The following MICU2 variants were observed in gnomAD, a reference collection of about 807,000 sequenced individuals.
MICU2 encodes the protein mitochondrial calcium uptake 2.
MICU2 carries 64 observed loss-of-function variants against 60.4 expected under a neutral mutation model. That is an observed-to-expected ratio of 1.06 (90% CI 0.87 to 1.31). The LOEUF (loss-of-function observed/expected upper bound fraction) is 1.31. Ranked by LOEUF, MICU2 falls within the 50% of genes most tolerant of loss-of-function variation. The pLI, the probability that MICU2 is intolerant of heterozygous loss-of-function variation, is 0.00. For missense variants in MICU2, 569 were observed against 531.0 expected (o/e 1.07, Z -0.70); for synonymous variants, 201 against 175.0 (o/e 1.15, Z -1.17).
chr13:21,548,894 G>A (rs1176528697), intron 2 of MICU2, among the ~76,000 whole-genome samples: 1 of 151,836 alleles, frequency 6.6e-6, no homozygotes, highest in Non-Finnish European at 1.5e-5. Context: ...TTCCCAGGGT[G>A]GGGGAGGAGA....
chr13:21,598,129 A>G (rs188083055), intron 1 of MICU2, among the ~76,000 whole-genome samples: 1 of 152,224 alleles, frequency 6.6e-6, no homozygotes, highest in East Asian at 1.9e-4. Flanking sequence ...AGAGAATGCT[A>G]TGCAAAATAA....
rs111606012 is a variant in MICU2 at position 21,521,388 on chromosome 13, G to T, written c.515-61C>A. 34 of 1,360,690 alleles carry T rather than the reference G, an allele frequency of 2.5e-5. 1 individual carries two copies. The African/African-American group carries it at 2.6e-4, about 11-fold the overall frequency. 84.3% of individuals were successfully genotyped at this position (1,360,690 alleles called of 1,614,324 possible). A position where few individuals can be genotyped will look rare whatever the true frequency, so the allele number is the denominator to read the frequency against. The stretch of plus-strand genomic sequence containing the variant: ...ATGAAAACCAAGTTATTTGTAGATA[G>T]ATAGGTCTTCAAATTTGACATACAC... On this transcript the variant is annotated intron_variant, in intron 5 of 11. Coordinates refer to ENST00000382374, the MANE Select transcript of MICU2 (RefSeq NM_152726.3).
intron 4 of MICU2, among the ~76,000 whole-genome samples, chr13:21,527,814 T>C (rs1185296740): frequency 1.3e-5 from 2 of 152,110 alleles, no homozygotes; most frequent in African/African-American, 2.4e-5. Context: ...AGACAACCAA[T>C]ATGTTGTCCT....
intron 1 of MICU2, among the ~76,000 whole-genome samples, chr13:21,572,458 T>C (rs1445988145): frequency 6.6e-6 from 1 of 152,178 alleles, no homozygotes; most frequent in African/African-American, 2.4e-5. Flanking sequence ...ATAAGGTGAG[T>C]GGAGAGAAAG....
intron 1 of MICU2, among the ~76,000 whole-genome samples, chr13:21,594,582 T>C (rs1291265939): frequency 1.3e-5 from 2 of 152,220 alleles, no homozygotes; most frequent in Admixed American, 1.3e-4. Context: ...TGCACACGTA[T>C]GTTTACTGCA....
intron 6 of MICU2, among the ~76,000 whole-genome samples, chr13:21,517,799 A>ACGCGCGCG (rs758514044): frequency 8.8e-5 from 12 of 136,398 alleles, no homozygotes; most frequent in African/African-American, 2.8e-4. Flanking sequence ...ACACACACAC[A>ACGCGCGCG]CGCGCGCGCG....
At chr13:21,530,333 T>C (rs755785329) in intron 4 of MICU2, among the ~76,000 whole-genome samples, 87 of 152,192 alleles carry the variant, frequency 5.7e-4, no homozygotes, top group Non-Finnish European at 1.1e-3. Context: ...TCCCCTCTCA[T>C]CATGCTCATT....
At chr13:21,499,345 C>T (rs1270811994) in intron 9 of MICU2, among the ~76,000 whole-genome samples, 3 of 152,032 alleles carry the variant, frequency 2.0e-5, no homozygotes, top group African/African-American at 7.2e-5. Flanking sequence ...TGTTTATGTC[C>T]TTTGCCCAGA....
At chr13:21,517,733 C>T (rs1182791268) in intron 6 of MICU2, among the ~76,000 whole-genome samples, 2 of 151,746 alleles carry the variant, frequency 1.3e-5, no homozygotes, top group South Asian at 2.1e-4. Context: ...GCAGAGATTG[C>T]GCCACTGTAC....
intron 1 of MICU2, among the ~76,000 whole-genome samples, chr13:21,586,249 T>G (rs1039692836): frequency 6.6e-6 from 1 of 152,246 alleles, no homozygotes; most frequent in Non-Finnish European, 1.5e-5. Context: ...TCAGAGCAGT[T>G]CACTATCCGT....
chr13:21,554,530 G>C (rs1887653626), intron 2 of MICU2, among the ~76,000 whole-genome samples: 1 of 152,018 alleles, frequency 6.6e-6, no homozygotes, highest in Admixed American at 6.6e-5. Context: ...CACATTCAAA[G>C]CAGTGTGTAG....
At chr13:21,519,387 T>A (rs1886660189) in intron 6 of MICU2, among the ~76,000 whole-genome samples, 1 of 152,090 alleles carries the variant, frequency 6.6e-6, no homozygotes, top group Admixed American at 6.5e-5. Flanking sequence ...AAACACTCCC[T>A]CTCCCATTGC....
chr13:21,527,476 TCA>T (rs1886886666), intron 4 of MICU2, among the ~76,000 whole-genome samples: 1 of 152,158 alleles, frequency 6.6e-6, no homozygotes, highest in East Asian at 1.9e-4. Context: ...GCTTGAATAA[TCA>T]CAGAGTTGAG....
At chr13:21,596,015 T>C (rs1204127167) in intron 1 of MICU2, among the ~76,000 whole-genome samples, 5 of 152,258 alleles carry the variant, frequency 3.3e-5, no homozygotes, top group East Asian at 1.9e-4. Context: ...TGGACTCTGA[T>C]AGAGATAAAT....
chr13:21,551,913 T>C (rs1219536268), intron 2 of MICU2, among the ~76,000 whole-genome samples: 4 of 152,126 alleles, frequency 2.6e-5, no homozygotes, highest in Admixed American at 6.6e-5. Context: ...TGTGTCTTTA[T>C]AGCAGCATGA....
At chr13:21,589,353 C>T (rs1254679057) in intron 1 of MICU2, among the ~76,000 whole-genome samples, 1 of 152,162 alleles carries the variant, frequency 6.6e-6, no homozygotes, top group Non-Finnish European at 1.5e-5. Context: ...TAGGTTGGTG[C>T]AGAGGCTCAT....
rs147132926 is a variant in MICU2 at position 21,512,169 on chromosome 13, C to G, written c.664-2068G>C. On this transcript the variant is annotated intron_variant, in intron 7 of 11. Coordinates refer to ENST00000382374, the MANE Select transcript of MICU2 (RefSeq NM_152726.3). ...TTTAGTCATTTGGGTGGCTGTATAT[C>G]TCTCTATGGTTTTAATTTGCATTGC... Among the ~76,000 whole-genome samples the G allele has an allele frequency of 2.9e-3, 446 of 152,266 alleles. 1 individual carries two copies. Among genetic ancestry groups the G allele is most frequent in the African/African-American group, 9.9e-3 (412 of 41,558 alleles).
intron 1 of MICU2, among the ~76,000 whole-genome samples, chr13:21,582,249 A>G (rs1287537010): frequency 6.5e-5 from 1 of 15,486 alleles, no homozygotes; most frequent in African/African-American, 1.1e-4. Context: ...TAGCTTTAGC[A>G]CTAAATAGCT....
intron 1 of MICU2, among the ~76,000 whole-genome samples, chr13:21,583,603 T>C (rs1381348207): frequency 2.6e-5 from 4 of 152,222 alleles, no homozygotes; most frequent in Non-Finnish European, 5.9e-5. Context: ...AGCTGTTTCC[T>C]GTTTTTCCTT....
Sources: allele counts gnomAD v4.1 joint callset (sites outside exome capture counted in the v4.1 genomes callset), GRCh38; gene constraint gnomAD v4.1.1; transcripts MANE v1.5; gene names NCBI Gene and HGNC (gene_info 2026-07-23, HGNC 2026-07-21).